Variants in FGF1 observed in about 807,000 individuals in gnomAD.
The protein encoded by FGF1 is fibroblast growth factor 1.
FGF1 carries 9 observed loss-of-function variants against 13.4 expected under a neutral mutation model. That is an observed-to-expected ratio of 0.67 (90% confidence interval 0.40 to 1.17). The LOEUF (loss-of-function observed/expected upper bound fraction) is 1.17, where lower values mean the gene tolerates loss of function less well. Ranked by LOEUF, FGF1 falls within the 50% of genes most tolerant of loss-of-function variation. FGF1 has a pLI of 0.01. For missense variants in FGF1, 156 were observed against 192.7 expected (o/e 0.81, Z 1.13); for synonymous variants, 93 against 79.0 (o/e 1.18, Z -0.94).
chr5:142,619,021 G>A (rs1418059282), intron 1 of FGF1, among the ~76,000 whole-genome samples: 2 of 130,240 alleles, frequency 1.5e-5, no homozygotes, highest in Non-Finnish European at 3.1e-5. Context: ...TGCAAGCTCC[G>A]CCTCCCAGGT....
At chr5:142,646,361 T>C (rs1181862703) in intron 1 of FGF1, among the ~76,000 whole-genome samples, 1 of 150,686 alleles carries the variant, frequency 6.6e-6, no homozygotes, top group African/African-American at 2.4e-5. Flanking sequence ...GCCCAGCTAA[T>C]TTTTTTTTGA....
intron 3 of FGF1, among the ~76,000 whole-genome samples, chr5:142,597,554 C>A (rs1048721350): frequency 6.6e-6 from 1 of 152,120 alleles, no homozygotes; most frequent in Non-Finnish European, 1.5e-5. Context: ...ACTTTCTATT[C>A]GTCAAGATCT....
intron 1 of FGF1, among the ~76,000 whole-genome samples, chr5:142,628,237 G>A (rs71587226): frequency 0.068 from 10,403 of 152,228 alleles, 409 homozygotes; most frequent in East Asian, 0.14. Flanking sequence ...AGGGCTGGGC[G>A]TGGTGGCTCA....
chr5:142,625,183 G>T (rs1365221352), intron 1 of FGF1, among the ~76,000 whole-genome samples: 1 of 152,198 alleles, frequency 6.6e-6, no homozygotes, highest in East Asian at 1.9e-4. Flanking sequence ...CAGATAAGAG[G>T]GACATAGATG....
chr5:142,613,960 G>A lies in FGF1; in HGVS notation c.168C>T (p.His56=), dbSNP rs372095970. The A allele has an allele frequency of 3.2e-5, 52 of 1,613,634 alleles. No individual in the cohort carries two copies. The highest frequency in any genetic ancestry group is 1.3e-5 in the African/African-American group (1 of 74,928). Residue 56 remains histidine (H), a splice_region_variant and synonymous_variant, in exon 2 of 4, where the codon CAC becomes CAT. Transcript: ENST00000337706. ...GGGGTGCCATAGAGATGGGCTTACTGTGCTGGTCGCTCCTGTCCCTTGTCC... is the reference window on the plus strand; with the variant it reads ...GGGGTGCCATAGAGATGGGCTTACTATGCTGGTCGCTCCTGTCCCTTGTCC... ...VDGTRDRSDQ[H]IQLQLSAESV...
Position 142,600,716 on chromosome 5 carries a change from G to T in FGF1, c.259C>A (p.Leu87Ile). ...TTCATACTTACTGAGCCGTATAAAA[G>T]CCCGTCGGTGTCCATGGCCAAGTAC... is the stretch of plus-strand genomic sequence containing the variant. ...GQYLAMDTDGLLYGSQTPNEE... is the reference protein window; with the variant it reads ...GQYLAMDTDGILYGSQTPNEE... Residue 87 changes from leucine (L) to isoleucine (I), a missense_variant, in exon 3 of 4, where the codon CTT becomes ATT. Transcript: ENST00000337706. 6.2e-7 allele frequency: 1 copy of T among 1,612,268 alleles called. No individual in the cohort carries two copies. Among genetic ancestry groups the T allele is most frequent in the Non-Finnish European group, 8.5e-7 (1 of 1,178,316 alleles).
At chr5:142,639,747 T>G (rs1764850697) in intron 1 of FGF1, among the ~76,000 whole-genome samples, 1 of 151,986 alleles carries the variant, frequency 6.6e-6, no homozygotes, top group Admixed American at 6.5e-5. Flanking sequence ...AAAACGATAA[T>G]GTTGCGAGGT....
intron 1 of FGF1, among the ~76,000 whole-genome samples, chr5:142,676,917 C>G (rs76123578): frequency 7.4e-6 from 1 of 135,880 alleles, no homozygotes. Context: ...AAACAAAAAA[C>G]AAAACAACAA....
At chr5:142,640,006 T>G (rs1327275684) in intron 1 of FGF1, among the ~76,000 whole-genome samples, 1 of 151,906 alleles carries the variant, frequency 6.6e-6, no homozygotes, top group Non-Finnish European at 1.5e-5. Flanking sequence ...CAAACCAAAG[T>G]CTGTTAAACT....
intron 1 of FGF1, among the ~76,000 whole-genome samples, chr5:142,614,644 C>T (rs757042210): frequency 3.3e-5 from 5 of 152,068 alleles, no homozygotes; most frequent in East Asian, 1.9e-4. Flanking sequence ...ATGGCCTGGA[C>T]GTTCGGGACC....
intron 1 of FGF1, among the ~76,000 whole-genome samples, chr5:142,625,605 C>T (rs753541982): frequency 4.6e-5 from 7 of 152,198 alleles, no homozygotes; most frequent in South Asian, 2.1e-4. Context: ...ACCATCCGGC[C>T]GGCCCTGGGC....
chr5:142,630,352 T>C (rs1045955374), intron 1 of FGF1, among the ~76,000 whole-genome samples: 1 of 152,124 alleles, frequency 6.6e-6, no homozygotes, highest in Non-Finnish European at 1.5e-5. Context: ...AAGTACTTAT[T>C]ACCAACCCCA....
rs948233010 is a variant in FGF1 at position 142,603,326 on chromosome 5, G to A, written c.170-2521C>T. On this transcript the variant is annotated intron_variant, in intron 2 of 3. Transcript: ENST00000337706. ...CCTCAGCCTAAATATCCTAAAAGAG[G>A]CCCTCCCCAGAGTGTGTGACACTCT... Among the ~76,000 whole-genome samples the A allele has an allele frequency of 3.3e-5, 5 of 152,050 alleles. No homozygotes were observed. The East Asian group carries it at 7.7e-4, about 23-fold the overall frequency.
chr5:142,624,359 G>A (rs970648180), intron 1 of FGF1, among the ~76,000 whole-genome samples: 4 of 152,182 alleles, frequency 2.6e-5, no homozygotes, highest in African/African-American at 4.8e-5. Context: ...AAGCCATCAC[G>A]CCTGGCCCAT....
intron 1 of FGF1, among the ~76,000 whole-genome samples, chr5:142,643,211 G>A (rs1177049368): frequency 6.6e-6 from 1 of 151,672 alleles, no homozygotes; most frequent in Non-Finnish European, 1.5e-5. Flanking sequence ...GCTAAATCAA[G>A]GTCATAACAA....
intron 2 of FGF1, among the ~76,000 whole-genome samples, chr5:142,691,947 C>T (rs1752295015): frequency 1.3e-5 from 2 of 152,162 alleles, no homozygotes; most frequent in South Asian, 4.1e-4. Flanking sequence ...TGAACCTTGC[C>T]TCCTCAAAGT....
At chr5:142,618,068 G>A (rs1396880457) in intron 1 of FGF1, among the ~76,000 whole-genome samples, 1 of 152,176 alleles carries the variant, frequency 6.6e-6, no homozygotes, top group African/African-American at 2.4e-5. Context: ...GTCAGAGGAG[G>A]GGATTGTCTG....
chr5:142,633,352 A>G (rs983993627), intron 1 of FGF1, among the ~76,000 whole-genome samples: 12 of 152,146 alleles, frequency 7.9e-5, no homozygotes, highest in African/African-American at 1.9e-4. Context: ...GAATGTGTGT[A>G]CCTTTTACAG....
chr5:142,627,547 T>C (rs1240232910), intron 1 of FGF1, among the ~76,000 whole-genome samples: 1 of 152,154 alleles, frequency 6.6e-6, no homozygotes, highest in East Asian at 1.9e-4. Context: ...TGCTTGGATA[T>C]GAAGAAGGAA....
Sources: gnomAD v4.1 joint callset for allele counts (sites outside exome capture counted in the v4.1 genomes callset) on GRCh38, gnomAD v4.1.1 for gene constraint, MANE v1.5 for transcripts, NCBI Gene and HGNC (gene_info 2026-07-23, HGNC 2026-07-21) for gene names.